KCNH8: variants seen among roughly 807,000 people sequenced by gnomAD.
KCNH8 encodes the protein voltage-gated delayed rectifier potassium channel KCNH8.
In KCNH8, 70 loss-of-function variants were observed where a neutral mutation model predicts 103.6. The ratio of observed to expected loss-of-function variants is 0.68; its 90% CI spans 0.56 to 0.82. The LOEUF (loss-of-function observed/expected upper bound fraction) is 0.82. KCNH8 is among the 40% of genes least tolerant of loss of function. KCNH8 has a pLI of 0.00. For synonymous variants in KCNH8, 498 were observed against 489.4 expected (o/e 1.02, Z -0.23); for missense variants, 1,217 against 1,329.9 (o/e 0.92, Z 1.32).
intron 5 of KCNH8, among the ~76,000 whole-genome samples, chr3:19,387,410 T>C (rs912289487): frequency 6.6e-6 from 1 of 152,178 alleles, no homozygotes. Context: ...TCAAACACTT[T>C]ACTTAAATCT....
At chr3:19,518,977 GA>G (rs2125246447) in intron 15 of KCNH8, among the ~76,000 whole-genome samples, 1 of 152,114 alleles carries the variant, frequency 6.6e-6, no homozygotes, top group East Asian at 1.9e-4. Flanking sequence ...AAGTAAGACA[GA>G]AAAGGAAGGA....
At chr3:19,440,452 G>A (rs537865022) in intron 8 of KCNH8, among the ~76,000 whole-genome samples, 42 of 152,298 alleles carry the variant, frequency 2.8e-4, no homozygotes, top group East Asian at 1.4e-3. Context: ...CAATAGTGGT[G>A]GAAGACAATG....
chr3:19,388,854 T>A (rs2066394758), intron 5 of KCNH8, among the ~76,000 whole-genome samples: 1 of 152,108 alleles, frequency 6.6e-6, no homozygotes. Context: ...AATCCTGTGC[T>A]TCAGTTTTAT....
chr3:19,392,318 C>CAA (rs10662694), intron 6 of KCNH8, among the ~76,000 whole-genome samples: 43,940 of 124,944 alleles, frequency 0.35, 7,525 homozygotes, highest in East Asian at 0.43. Context: ...ACATCTGTGT[C>CAA]AAAAAAAAAA....
At chr3:19,499,592 G>A (rs955345474) in intron 11 of KCNH8, among the ~76,000 whole-genome samples, 31 of 152,272 alleles carry the variant, frequency 2.0e-4, no homozygotes, top group African/African-American at 4.3e-4. Flanking sequence ...CAGATCTCTC[G>A]GCAGAAACTC....
At chr3:19,197,845 A>G (rs1422168114) in intron 1 of KCNH8, among the ~76,000 whole-genome samples, 1 of 151,888 alleles carries the variant, frequency 6.6e-6, no homozygotes, top group Non-Finnish European at 1.5e-5. Context: ...CTTTTTTCCA[A>G]CTAAATTTTA....
rs74343127 is a variant in KCNH8 at position 19,229,594 on chromosome 3, A to G, written c.77-24060A>G. On this transcript the variant is annotated intron_variant, in intron 1 of 15. Coordinates refer to ENST00000328405, the MANE Select transcript of KCNH8 (RefSeq NM_144633.3). ...AGGCTGCGCACAGCATGCAGACCCC[A>G]GGCCCAGCCCAAGAAACATTTTCTC... is the stretch of plus-strand genomic sequence containing the variant. Among the ~76,000 whole-genome samples the G allele has an allele frequency of 7.7e-3, 1,177 of 152,336 alleles. 16 individuals are homozygous for G. Among genetic ancestry groups the G allele is most frequent in the African/African-American group, 0.026 (1,083 of 41,588 alleles).
intron 2 of KCNH8, among the ~76,000 whole-genome samples, chr3:19,275,101 A>C (rs1368269009): frequency 6.6e-6 from 1 of 151,426 alleles, no homozygotes; most frequent in African/African-American, 2.4e-5. Context: ...AGTTGACAGA[A>C]TCCTACTATA....
chr3:19,477,284 ATGAAT>A (rs1219286944), intron 11 of KCNH8, among the ~76,000 whole-genome samples: 1 of 152,198 alleles, frequency 6.6e-6, no homozygotes, highest in South Asian at 2.1e-4. Context: ...CATTCCCAAC[ATGAAT>A]TCAATTCAAA....
chr3:19,342,539 G>T (rs761869708), intron 3 of KCNH8, 48 bp from the exon 4 acceptor site: 24 of 1,567,848 alleles, frequency 1.5e-5, no homozygotes, highest in Non-Finnish European at 5.2e-6. Context: ...CATTCTTGAG[G>T]TGAAATGATG....
chr3:19,290,876 A>G (rs191370242), intron 3 of KCNH8, among the ~76,000 whole-genome samples: 15 of 152,116 alleles, frequency 9.9e-5, no homozygotes, highest in African/African-American at 3.6e-4. Flanking sequence ...CTGGTCCTGG[A>G]CTTTTTTTGG....
chr3:19,307,612 C>T (rs1242099101), intron 3 of KCNH8, among the ~76,000 whole-genome samples: 1 of 151,912 alleles, frequency 6.6e-6, no homozygotes, highest in Non-Finnish European at 1.5e-5. Flanking sequence ...CCGTAGTATT[C>T]ATATGGATTC....
chr3:19,251,188 G>A (rs188293726), intron 1 of KCNH8, among the ~76,000 whole-genome samples: 29 of 152,210 alleles, frequency 1.9e-4, no homozygotes, highest in Admixed American at 1.5e-3. Flanking sequence ...ATGACTATGC[G>A]ATCGTTAAGG....
At chr3:19,197,198 T>G (rs58233297) in intron 1 of KCNH8, among the ~76,000 whole-genome samples, 6,883 of 152,116 alleles carry the variant, frequency 0.045, 284 homozygotes, top group East Asian at 0.12. Flanking sequence ...AGAAATATTT[T>G]GAACTGTTGA....
intron 5 of KCNH8, among the ~76,000 whole-genome samples, chr3:19,355,885 A>AATAT (rs35120708): frequency 1.3e-3 from 198 of 150,372 alleles, no homozygotes; most frequent in African/African-American, 4.2e-3. Flanking sequence ...AGTATAATAA[A>AATAT]ATATATATAT....
intron 5 of KCNH8, among the ~76,000 whole-genome samples, chr3:19,368,954 C>T (rs2066049799): frequency 6.6e-6 from 1 of 151,920 alleles, no homozygotes; most frequent in South Asian, 2.1e-4. Context: ...TGAAAAGACT[C>T]CCTTCTGGTT....
rs755740067 is a variant in KCNH8 at position 19,395,275 on chromosome 3, G to A, written c.1141G>A (p.Glu381Lys). Residue 381 changes from glutamate (E) to lysine (K), a missense_variant, in exon 7 of 16, where the codon GAG becomes AAG. By Grantham distance (56) the Glu-to-Lys change is moderately conservative (BLOSUM62 1). Around this residue, in one of 3 missense-constraint regions of KCNH8, gnomAD observed 415 missense variants for 577.4 expected, o/e 0.72. Coordinates refer to ENST00000328405, the MANE Select transcript of KCNH8 (RefSeq NM_144633.3). The part of the protein sequence containing the change: ...ACIWYVIGKM[E>K]REDNSLLKWE... Reference sequence around the variant, plus strand: ...TATCTGGTACGTCATTGGAAAAATGGAGAGGGAAGACAACAGCCTTCTGAA... The same window carrying A: ...TATCTGGTACGTCATTGGAAAAATGAAGAGGGAAGACAACAGCCTTCTGAA... The A allele has an allele frequency of 1.2e-6, 2 of 1,611,084 alleles. No homozygotes were observed. Among genetic ancestry groups the A allele is most frequent in the Non-Finnish European group, 1.7e-6 (2 of 1,178,616 alleles).
chr3:19,162,544 TTACTAGA>T (rs2063244558), intron 1 of KCNH8, among the ~76,000 whole-genome samples: 1 of 151,452 alleles, frequency 6.6e-6, no homozygotes, highest in Non-Finnish European at 1.5e-5. Context: ...AAGAAATATA[TTACTAGA>T]TAAGGAAGGG....
chr3:19,285,517 G>T (rs933443901), intron 3 of KCNH8, among the ~76,000 whole-genome samples: 3 of 152,158 alleles, frequency 2.0e-5, no homozygotes, highest in Admixed American at 2.0e-4. Context: ...CTCAATAAAA[G>T]ATGTGGTCAT....
Sources: allele counts gnomAD v4.1 joint callset (sites outside exome capture counted in the v4.1 genomes callset), GRCh38; gene constraint gnomAD v4.1.1; regional missense constraint gnomAD v4.1.1; transcripts MANE v1.5; gene names NCBI Gene and HGNC (gene_info 2026-07-23, HGNC 2026-07-21).